COL23A1: variants seen among roughly 807,000 people sequenced by gnomAD.
COL23A1 encodes collagen alpha-1(XXIII) chain.
Under a neutral mutation model 99.3 loss-of-function variants are expected in COL23A1, and 97 were observed. That is an observed-to-expected ratio of 0.98 (90% confidence interval 0.83 to 1.16). The LOEUF (loss-of-function observed/expected upper bound fraction) is 1.16, where lower values mean the gene tolerates loss of function less well. COL23A1 is among the 50% of genes most tolerant of loss of function. COL23A1 has a pLI of 0.00. For synonymous variants in COL23A1, 320 were observed against 308.2 expected, an observed-to-expected ratio of 1.04 and a Z score of -0.40; for missense variants, 762 against 757.4, an observed-to-expected ratio of 1.01 and a Z score of -0.07.
rs369738552 is a variant in COL23A1 at position 178,375,954 on chromosome 5, G to A, written c.362-69035C>T. On this transcript the variant is annotated intron_variant, in intron 2 of 28. Coordinates refer to ENST00000390654, the MANE Select transcript of COL23A1 (RefSeq NM_173465.4). Reference sequence around the variant, plus strand: ...ACTACTGACCTCAAGTGATCTGCCCGCCTCGGCCTCCAAAAGTGTTGGGAT... The same window carrying A: ...ACTACTGACCTCAAGTGATCTGCCCACCTCGGCCTCCAAAAGTGTTGGGAT... Among the ~76,000 whole-genome samples the A allele has an allele frequency of 3.0e-3, 455 of 152,258 alleles. 2 individuals carry two copies. The highest frequency in any genetic ancestry group is 0.01 in the African/African-American group (424 of 41,550).
intron 2 of COL23A1, among the ~76,000 whole-genome samples, chr5:178,494,247 A>G (rs1400692824): frequency 6.6e-6 from 1 of 152,296 alleles, no homozygotes; most frequent in Non-Finnish European, 1.5e-5. Context: ...GACATGTGAG[A>G]TTTTGGTTCA....
Position 178,315,285 on chromosome 5 carries a change from G to A in COL23A1, c.362-8366C>T, listed in dbSNP as rs146485473. 3.3e-3 allele frequency among the ~76,000 whole-genome samples: 502 copies of A among 152,294 alleles called. 3 individuals carry two copies. Among genetic ancestry groups the A allele is most frequent in the African/African-American group, 0.011 (469 of 41,554 alleles). Reference sequence around the variant, plus strand: ...CCAAGAGCATCTCCCCAAGGGCTCCGGTTGGAGGGCTCAGGCAAGGGGGTG... The same window carrying A: ...CCAAGAGCATCTCCCCAAGGGCTCCAGTTGGAGGGCTCAGGCAAGGGGGTG... On this transcript the variant is annotated intron_variant, in intron 2 of 28. Coordinates refer to ENST00000390654, the MANE Select transcript of COL23A1 (RefSeq NM_173465.4).
At chr5:178,258,211 G>A (rs949388212) in intron 12 of COL23A1, among the ~76,000 whole-genome samples, 2 of 138,938 alleles carry the variant, frequency 1.4e-5, no homozygotes, top group Non-Finnish European at 3.2e-5. Flanking sequence ...CACAGCTTGG[G>A]TGACAGAGTG....
intron 8 of COL23A1, among the ~76,000 whole-genome samples, chr5:178,264,915 GGATTACAGGCGT>G (rs1755791644): frequency 6.6e-6 from 1 of 152,154 alleles, no homozygotes; most frequent in Non-Finnish European, 1.5e-5. Flanking sequence ...CAAAGTGCTG[GGATTACAGGCGT>G]GAGCCACTGC....
chr5:178,412,554 T>G (rs1765106842), intron 2 of COL23A1, among the ~76,000 whole-genome samples: 1 of 152,178 alleles, frequency 6.6e-6, no homozygotes, highest in African/African-American at 2.4e-5. Context: ...CTCTACCCCT[T>G]CCTTAATTTT....
chr5:178,242,427 T>A, intron 25 of COL23A1, 33 bp from the exon 26 acceptor site: 1 of 1,611,220 alleles, frequency 6.2e-7, no homozygotes, highest in Non-Finnish European at 8.5e-7. Context: ...AACCCGAAAA[T>A]GAGGCTGGAG....
At chr5:178,513,175 G>A (rs1159871936) in intron 2 of COL23A1, among the ~76,000 whole-genome samples, 2 of 152,164 alleles carry the variant, frequency 1.3e-5, no homozygotes, top group African/African-American at 4.8e-5. Context: ...CTTCAGCTGG[G>A]CCCTGGAGGA....
intron 13 of COL23A1, among the ~76,000 whole-genome samples, chr5:178,257,286 G>A (rs979870316): frequency 4.6e-5 from 7 of 152,172 alleles, no homozygotes; most frequent in Non-Finnish European, 1.0e-4. Context: ...CAGAGAGTGA[G>A]GCCCCCTAAG....
intron 2 of COL23A1, among the ~76,000 whole-genome samples, chr5:178,389,249 G>T (rs1476015265): frequency 6.6e-6 from 1 of 152,062 alleles, no homozygotes; most frequent in Non-Finnish European, 1.5e-5. Context: ...CCTCCACCCA[G>T]CAAAGTCCCA....
In COL23A1 at chr5:178,560,755, C is replaced by T. The variant is rs758667460; in HGVS notation, c.295-7G>A. The T allele has an allele frequency of 5.0e-6, 8 of 1,593,580 alleles. No individual in the cohort carries two copies. The highest frequency in any genetic ancestry group is 2.8e-5 in the African/African-American group (2 of 72,368). ...TCGCTAGTCCGTCCAACTTCTGAGC[C>T]GGAAAAAAAAAAAGAAAAAAAACGA... is the stretch of plus-strand genomic sequence containing the variant. On this transcript the variant is annotated splice_region_variant and splice_polypyrimidine_tract_variant and intron_variant, in intron 1 of 28. Transcript: ENST00000390654.
rs143473544 is a variant in COL23A1, at chr5:178,481,215, G to A, written c.361+79467C>T. 2.4e-4 allele frequency among the ~76,000 whole-genome samples: 36 copies of A among 150,040 alleles called. No homozygotes were observed. The East Asian group carries it at 5.9e-3, about 24-fold the overall frequency. On this transcript the variant is annotated intron_variant, in intron 2 of 28. Coordinates refer to ENST00000390654, the MANE Select transcript of COL23A1 (RefSeq NM_173465.4). ...TTGTGAAGGAAAGAAAAAACAATGT[G>A]ACCATAATAAAAATTACTTAATATA...
chr5:178,443,360 C>G (rs1766984889), intron 2 of COL23A1, among the ~76,000 whole-genome samples: 1 of 152,218 alleles, frequency 6.6e-6, no homozygotes, highest in South Asian at 2.1e-4. Context: ...CTTGCAGCCA[C>G]TCAGCTCCTC....
chr5:178,581,351 A>T (rs1002763234), intron 1 of COL23A1, among the ~76,000 whole-genome samples: 3 of 152,192 alleles, frequency 2.0e-5, no homozygotes, highest in African/African-American at 7.2e-5. Context: ...AAATCACCTG[A>T]GGTCAGGAGT....
chr5:178,337,148 G>T (rs1375738499), intron 2 of COL23A1, among the ~76,000 whole-genome samples: 1 of 152,228 alleles, frequency 6.6e-6, no homozygotes, highest in African/African-American at 2.4e-5. Context: ...TGTGGGCCAC[G>T]ACACATTGCG....
intron 2 of COL23A1, among the ~76,000 whole-genome samples, chr5:178,356,639 AGC>A (rs1057122962): frequency 6.6e-6 from 1 of 152,142 alleles, no homozygotes; most frequent in African/African-American, 2.4e-5. Flanking sequence ...GGCAAAGGAA[AGC>A]AAAAGTCAGC....
intron 2 of COL23A1, among the ~76,000 whole-genome samples, chr5:178,462,852 C>G (rs970235611): frequency 2.0e-5 from 3 of 152,234 alleles, no homozygotes; most frequent in African/African-American, 7.2e-5. Context: ...GTCTTCAGAG[C>G]TGGAGCCAAA....
rs1178265417 is a variant in COL23A1, at chr5:178,434,874, G to C, written c.361+125808C>G. Among the ~76,000 whole-genome samples the C allele has an allele frequency of 6.6e-6, 1 of 152,212 alleles. No individual in the cohort carries two copies. Among genetic ancestry groups the C allele is most frequent in the Non-Finnish European group, 1.5e-5 (1 of 68,034 alleles). ...GCCTCTGCCCGCTGCAGGAAGGCAGGCATCCACTTCTGAACCCTCGGTCTC... is the reference window on the plus strand; with the variant it reads ...GCCTCTGCCCGCTGCAGGAAGGCAGCCATCCACTTCTGAACCCTCGGTCTC... On this transcript the variant is annotated intron_variant, in intron 2 of 28. Coordinates refer to ENST00000390654, the MANE Select transcript of COL23A1 (RefSeq NM_173465.4). This position sits in a 1 kb window ranked among gnomAD's most constrained non-coding sequence, Gnocchi z 4.3.
At chr5:178,429,925 G>A (rs973832654) in intron 2 of COL23A1, among the ~76,000 whole-genome samples, 1 of 152,158 alleles carries the variant, frequency 6.6e-6, no homozygotes. Flanking sequence ...CTCTGCTACA[G>A]TTCTGTCCCC....
At chr5:178,388,605 T>G (rs1265698371) in intron 2 of COL23A1, among the ~76,000 whole-genome samples, 1 of 152,042 alleles carries the variant, frequency 6.6e-6, no homozygotes, top group Non-Finnish European at 1.5e-5. Flanking sequence ...GTCATCAACT[T>G]CCTCCCCTGG....
Sources: gnomAD v4.1 joint callset for allele counts (sites outside exome capture counted in the v4.1 genomes callset) on GRCh38, gnomAD v4.1.1 for gene constraint, Gnocchi (gnomAD v3.1) non-coding constraint, MANE v1.5 for transcripts, NCBI Gene and HGNC (gene_info 2026-07-23, HGNC 2026-07-21) for gene names.